CD96: variants seen among roughly 807,000 people sequenced by gnomAD.
CD96 encodes the protein CD96 molecule, also known as T-cell surface protein tactile.
In CD96, 70 loss-of-function variants were observed where a neutral mutation model predicts 71.3. The ratio of observed to expected loss-of-function variants is 0.98; its 90% CI spans 0.81 to 1.20. The LOEUF (loss-of-function observed/expected upper bound fraction) is 1.20. CD96 is among the 50% of genes most tolerant of loss of function. CD96 has a pLI of 0.00. For synonymous variants in CD96, 248 were observed against 233.0 expected (o/e 1.06, Z -0.59); for missense variants, 742 against 677.5 (o/e 1.10, Z -1.06).
chr3:111,642,493 A>G (rs1939638487), intron 12 of CD96, among the ~76,000 whole-genome samples: 1 of 152,178 alleles, frequency 6.6e-6, no homozygotes, highest in African/African-American at 2.4e-5. Flanking sequence ...CGAGATTGAA[A>G]TGGCAATTTA....
At chr3:111,612,365 G>A (rs1937992713) in intron 8 of CD96, among the ~76,000 whole-genome samples, 1 of 152,132 alleles carries the variant, frequency 6.6e-6, no homozygotes, top group South Asian at 2.1e-4. Context: ...GGTTTTCAGA[G>A]AACAATCATA....
chr3:111,632,517 G>A (rs1237151762), intron 10 of CD96, among the ~76,000 whole-genome samples: 1 of 152,196 alleles, frequency 6.6e-6, no homozygotes, highest in Non-Finnish European at 1.5e-5. Context: ...TTATACTGCT[G>A]GTGGAAGTGT....
At chr3:111,579,502 C>G (rs989848901) in intron 4 of CD96, 1 of 503,980 alleles carries the variant, frequency 2.0e-6, no homozygotes, top group South Asian at 2.1e-5. Context: ...AATGAAATAC[C>G]TGAAACTGAG....
intron 14 of CD96, among the ~76,000 whole-genome samples, chr3:111,659,063 G>C (rs183526176): frequency 6.6e-6 from 1 of 152,168 alleles, no homozygotes; most frequent in Admixed American, 6.5e-5. Flanking sequence ...AATTTCAGAA[G>C]TTGATATTAG....
At chr3:111,570,256 T>C (rs2107555943) in intron 3 of CD96, among the ~76,000 whole-genome samples, 1 of 152,206 alleles carries the variant, frequency 6.6e-6, no homozygotes, top group Admixed American at 6.5e-5. Flanking sequence ...AGCAGACCTA[T>C]TGGGAATTTA....
chr3:111,613,889 C>T (rs967059703), intron 8 of CD96, among the ~76,000 whole-genome samples: 1 of 152,188 alleles, frequency 6.6e-6, no homozygotes, highest in Non-Finnish European at 1.5e-5. Flanking sequence ...ATAACTTTTA[C>T]CTTTGTACTT....
intron 2 of CD96, among the ~76,000 whole-genome samples, chr3:111,555,985 T>A (rs1281667929): frequency 6.6e-6 from 1 of 152,310 alleles, no homozygotes; most frequent in Non-Finnish European, 1.5e-5. Context: ...GATTAGATAA[T>A]TTATATTGAA....
intron 10 of CD96, 69 bp downstream of exon 10, chr3:111,624,473 G>T (rs548073808): frequency 2.3e-6 from 2 of 861,030 alleles, no homozygotes; most frequent in South Asian, 1.3e-5. Context: ...TATATTGAAC[G>T]ACATCTATGT....
At chr3:111,571,380 C>A (rs111540902) in intron 3 of CD96, among the ~76,000 whole-genome samples, 3 of 151,724 alleles carry the variant, frequency 2.0e-5, no homozygotes, top group Non-Finnish European at 4.4e-5. Context: ...AATTAATGAT[C>A]ACTAAATTCA....
intron 14 of CD96, among the ~76,000 whole-genome samples, chr3:111,663,412 A>G (rs1247570445): frequency 6.6e-6 from 1 of 152,242 alleles, no homozygotes; most frequent in Non-Finnish European, 1.5e-5. Flanking sequence ...AACAAAAACA[A>G]AAGTAGACAA....
intron 12 of CD96, among the ~76,000 whole-genome samples, chr3:111,639,519 C>A (rs1298667960): frequency 6.6e-6 from 1 of 152,178 alleles, no homozygotes; most frequent in Admixed American, 6.5e-5. Context: ...CTAGCCCTGC[C>A]CCGACCTGAT....
At chr3:111,562,858 T>C (rs1192328861) in intron 2 of CD96, among the ~76,000 whole-genome samples, 1 of 152,234 alleles carries the variant, frequency 6.6e-6, no homozygotes, top group Non-Finnish European at 1.5e-5. Flanking sequence ...GTTTCCAGGA[T>C]CTCCATGTTA....
intron 8 of CD96, 81 bp downstream of exon 8, chr3:111,606,873 A>T: frequency 1.2e-6 from 1 of 866,674 alleles, no homozygotes; most frequent in Non-Finnish European, 2.0e-6. Context: ...TGCATCATTC[A>T]TGCCTGTTTC....
intron 3 of CD96, among the ~76,000 whole-genome samples, chr3:111,568,282 C>G (rs191481895): frequency 8.6e-4 from 131 of 152,122 alleles, no homozygotes; most frequent in Admixed American, 1.6e-3. Context: ...GAAAAATTTT[C>G]CAATTTTAAA....
chr3:111,608,219 C>A (rs1478202918), intron 8 of CD96, among the ~76,000 whole-genome samples: 1 of 143,842 alleles, frequency 7.0e-6, no homozygotes, highest in Non-Finnish European at 1.5e-5. Flanking sequence ...TATAGCTCTG[C>A]ATACAATATG....
chr3:111,567,020 C>T (rs549886932), intron 2 of CD96, among the ~76,000 whole-genome samples: 3 of 152,148 alleles, frequency 2.0e-5, no homozygotes, highest in Non-Finnish European at 2.9e-5. Flanking sequence ...TTAATTGTAA[C>T]AAATGTACCG....
chr3:111,570,659 G>A (rs1370272632), intron 3 of CD96: 1 of 1,609,412 alleles, frequency 6.2e-7, no homozygotes, highest in Admixed American at 1.7e-5. Flanking sequence ...CCCGGGACAT[G>A]ACAAAGCATT....
chr3:111,611,975 T>C (rs1227637396), intron 8 of CD96, among the ~76,000 whole-genome samples: 1 of 152,184 alleles, frequency 6.6e-6, no homozygotes, highest in Non-Finnish European at 1.5e-5. Flanking sequence ...ACCACGCAGA[T>C]TGATGAGGCC....
intron 3 of CD96, among the ~76,000 whole-genome samples, chr3:111,572,159 G>A (rs1205834816): frequency 6.6e-6 from 1 of 152,120 alleles, no homozygotes; most frequent in African/African-American, 2.4e-5. Flanking sequence ...CATGCACATC[G>A]GGAGGACCAC....
Sources: gnomAD v4.1 joint callset for allele counts (sites outside exome capture counted in the v4.1 genomes callset) on GRCh38, gnomAD v4.1.1 for gene constraint, MANE v1.5 for transcripts, NCBI Gene and HGNC (gene_info 2026-07-23, HGNC 2026-07-21) for gene names.